TIAM1: variants seen among roughly 807,000 people sequenced by gnomAD.
TIAM1 encodes the protein rho guanine nucleotide exchange factor TIAM1.
TIAM1 carries 65 observed loss-of-function variants against 163.5 expected under a neutral mutation model. The ratio of observed to expected loss-of-function variants is 0.40; its 90% confidence interval spans 0.33 to 0.49. The LOEUF (loss-of-function observed/expected upper bound fraction) is 0.49. TIAM1 is among the 20% of genes least tolerant of loss of function. TIAM1 has a pLI of 0.77. For synonymous variants in TIAM1, 833 were observed against 810.1 expected (o/e 1.03, Z -0.48); for missense variants, 1,789 against 2,044.7 (o/e 0.87, Z 2.41).
rs529598323 is a variant in TIAM1 at position 31,141,367 on chromosome 21, C to A, written c.3613G>T (p.Ala1205Ser). 37 of 1,614,118 alleles carry A rather than the reference C, an allele frequency of 2.3e-5. No homozygotes were observed. The highest frequency in any genetic ancestry group is 1.4e-5 in the Non-Finnish European group (16 of 1,180,038). ...TCCTCGCTCTCCGCATCGGTCAGGG[C>A]GAACAGCTCCCTGAGCAGAAGTGGG... The part of the protein sequence containing the change: ...KYPLLLRELF[A>S]LTDAESEEHY... The change falls in exon 21 of 28, where the codon GCC becomes TCC. Residue 1205 changes from alanine (A) to serine (S), a missense_variant. Ala to Ser is a moderately conservative substitution (Grantham distance 99). Around this residue, in one of 5 missense-constraint regions of TIAM1, gnomAD observed 60 missense variants for 132.6 expected, o/e 0.45. Coordinates refer to ENST00000541036, the MANE Select transcript of TIAM1 (RefSeq NM_001353694.2). The surrounding 1 kb of genome is among the most constrained non-coding windows in gnomAD (Gnocchi z 4.7).
At position 31,182,502 on chromosome 21, in the gene TIAM1, G is replaced by T. The variant is rs2085080198; in HGVS notation, c.2806C>A (p.Leu936Met). 6.2e-7 allele frequency: 1 copy of T among 1,613,122 alleles called. No homozygotes were observed. Among genetic ancestry groups the T allele is most frequent in the African/African-American group, 1.3e-5 (1 of 74,880 alleles). The change falls in exon 15 of 28, where the codon CTG (leucine) becomes ATG (methionine). Residue 936 changes from leucine (L) to methionine (M), a missense_variant. By Grantham distance (15) the Leu-to-Met change is conservative. This residue lies in a region of TIAM1 where 303 missense variants were observed against 321.3 expected (regional missense o/e 0.94). Transcript: ENST00000541036. ...TYPELEEGVELLESPPHRVDG... is the reference protein window; with the variant it reads ...TYPELEEGVEMLESPPHRVDG... ...ACTCGGTGGGGCGGGCTTTCCAGCA[G>T]CTCCACTCCTTCCTCCAGCTCGGGG...
At chr21:31,271,461 G>C in intron 3 of TIAM1, among the ~76,000 whole-genome samples, 1 of 152,136 alleles carries the variant, frequency 6.6e-6, no homozygotes, top group East Asian at 1.9e-4. Context: ...CTGCAGGTCT[G>C]TGTCAGTCCC....
intron 2 of TIAM1, among the ~76,000 whole-genome samples, chr21:31,335,334 G>A (rs529959667): frequency 1.3e-4 from 20 of 152,104 alleles, no homozygotes; most frequent in Admixed American, 7.2e-4. Context: ...CCTAAACATG[G>A]TATTTCAGAC....
At chr21:31,261,236 G>A (rs1043038028) in intron 4 of TIAM1, among the ~76,000 whole-genome samples, 1 of 147,924 alleles carries the variant, frequency 6.8e-6, no homozygotes, top group Non-Finnish European at 1.5e-5. Flanking sequence ...AAAGTGGGCA[G>A]TAATAATTTT....
chr21:31,405,199 G>C (rs1193454516), intron 2 of TIAM1, among the ~76,000 whole-genome samples: 1 of 152,186 alleles, frequency 6.6e-6, no homozygotes, highest in African/African-American at 2.4e-5. Context: ...AGTGAGCCAT[G>C]ATCATGCCAC....
At chr21:31,203,943 A>G (rs1387357025) in intron 11 of TIAM1, among the ~76,000 whole-genome samples, 1 of 152,250 alleles carries the variant, frequency 6.6e-6, no homozygotes, top group Non-Finnish European at 1.5e-5. Flanking sequence ...GACTCGCTCA[A>G]AGAAAACAAT....
chr21:31,319,242 C>A (rs1439501816), intron 2 of TIAM1, among the ~76,000 whole-genome samples: 1 of 151,000 alleles, frequency 6.6e-6, no homozygotes, highest in East Asian at 2.0e-4. Context: ...AAAAAAAATA[C>A]ATGTTCCAAA....
intron 2 of TIAM1, among the ~76,000 whole-genome samples, chr21:31,329,517 G>T (rs948961667): frequency 6.6e-6 from 1 of 151,522 alleles, no homozygotes; most frequent in Non-Finnish European, 1.5e-5. Flanking sequence ...CCTGCTGTCC[G>T]TAACCACCCT....
intron 1 of TIAM1, among the ~76,000 whole-genome samples, chr21:31,536,008 G>A (rs1249339123): frequency 6.6e-6 from 1 of 152,158 alleles, no homozygotes; most frequent in Non-Finnish European, 1.5e-5. Context: ...GGTCCTGGGA[G>A]GCTTTCTAGA....
At chr21:31,162,777 T>A (rs1261435495) in intron 16 of TIAM1, among the ~76,000 whole-genome samples, 1 of 151,998 alleles carries the variant, frequency 6.6e-6, no homozygotes, top group Admixed American at 6.6e-5. Flanking sequence ...GAGTAGCTTG[T>A]CAATAATTTT....
At chr21:31,326,758 G>A (rs1305753836) in intron 2 of TIAM1, among the ~76,000 whole-genome samples, 2 of 152,158 alleles carry the variant, frequency 1.3e-5, no homozygotes, top group African/African-American at 4.8e-5. Flanking sequence ...TGATTAAAGC[G>A]ATTGCCCTCC....
chr21:31,135,834 C>T, intron 23 of TIAM1, 99 bp downstream of exon 23: 1 of 1,142,974 alleles, frequency 8.7e-7, no homozygotes, highest in Non-Finnish European at 1.3e-6. Flanking sequence ...CTGCAATTAA[C>T]TTTATTTTTA....
At chr21:31,298,767 T>TGTGTGTGTGA (rs777256501) in intron 2 of TIAM1, among the ~76,000 whole-genome samples, 1 of 125,852 alleles carries the variant, frequency 7.9e-6, no homozygotes, top group African/African-American at 3.6e-5. Context: ...TGTGTGTGTG[T>TGTGTGTGTGA]GAGAAACAGA....
At chr21:31,173,717 A>G (rs951546335) in intron 15 of TIAM1, among the ~76,000 whole-genome samples, 1 of 152,228 alleles carries the variant, frequency 6.6e-6, no homozygotes, top group African/African-American at 2.4e-5. Context: ...CTTTTTAGTC[A>G]AATGTCACAA....
At chr21:31,167,076 TA>T (rs1397325772) in intron 15 of TIAM1, among the ~76,000 whole-genome samples, 3 of 146,080 alleles carry the variant, frequency 2.1e-5, no homozygotes, top group Admixed American at 6.8e-5. Flanking sequence ...GGAAAGCAAA[TA>T]AAAGGATTTC....
intron 2 of TIAM1, among the ~76,000 whole-genome samples, chr21:31,287,963 T>G (rs540469779): frequency 6.6e-6 from 1 of 152,012 alleles, no homozygotes; most frequent in African/African-American, 2.4e-5. Flanking sequence ...GAATGACAGG[T>G]AGGATCACCA....
intron 2 of TIAM1, among the ~76,000 whole-genome samples, chr21:31,370,014 A>G (rs2076569554): frequency 6.6e-6 from 1 of 151,860 alleles, no homozygotes. Context: ...CCTAAGAGAG[A>G]CCCCTTTCCC....
Position 31,120,695 on chromosome 21 carries a change from C to A in TIAM1, c.4449G>T (p.Trp1483Cys). The change falls in exon 28 of 28, where the codon TGG (tryptophan) becomes TGT (cysteine). Residue 1483 changes from tryptophan to cysteine, a missense_variant. Physicochemically the swap from Trp to Cys is radical, Grantham distance 215. This residue lies in a region of TIAM1 where 415 missense variants were observed against 439.2 expected (regional missense o/e 0.94). Coordinates refer to ENST00000541036, the MANE Select transcript of TIAM1 (RefSeq NM_001353694.2). This position sits in a 1 kb window ranked among gnomAD's most constrained non-coding sequence, Gnocchi z 4.2. ...GAGCAAGATCAAACTGCTCCTCTAC[C>A]CATCGGTCAGTGTCCCCACCACCGG... ...QPPGGGDTDRWVEEQFDLAQY... is the reference protein window; with the variant it reads ...QPPGGGDTDRCVEEQFDLAQY... 1.9e-6 allele frequency: 3 copies of A among 1,614,032 alleles called. No individual in the cohort carries two copies. Among genetic ancestry groups the A allele is most frequent in the South Asian group, 2.2e-5 (2 of 91,066 alleles).
intron 26 of TIAM1, among the ~76,000 whole-genome samples, chr21:31,125,480 G>T (rs2082162015): frequency 6.6e-6 from 1 of 152,188 alleles, no homozygotes; most frequent in Admixed American, 6.5e-5. Flanking sequence ...GCTTCCCGGG[G>T]ATCTGCCTTT....
Sources: allele counts gnomAD v4.1 joint callset (sites outside exome capture counted in the v4.1 genomes callset), GRCh38; gene constraint gnomAD v4.1.1; regional missense constraint gnomAD v4.1.1; non-coding constraint Gnocchi (gnomAD v3.1); transcripts MANE v1.5; gene names NCBI Gene and HGNC (gene_info 2026-07-23, HGNC 2026-07-21).